PRH1: variants seen among roughly 807,000 people sequenced by gnomAD.
The protein encoded by PRH1 is proline rich protein HaeIII subfamily 1.
PRH1 carries 7 observed loss-of-function variants against 7.9 expected under a neutral mutation model. That is an observed-to-expected ratio of 0.89 (90% CI 0.50 to 1.67). The LOEUF (loss-of-function observed/expected upper bound fraction) is 1.67, where lower values mean the gene tolerates loss of function less well. Among genes scored for constraint, PRH1 ranks in the 40% most tolerant of loss-of-function variants. The pLI is 0.00. For synonymous variants in PRH1, 45 were observed against 80.8 expected (o/e 0.56, Z 2.38); for missense variants, 109 against 223.6 (o/e 0.49, Z 3.27).
intron 2 of PRH1, among the ~76,000 whole-genome samples, chr12:10,941,299 G>A (rs529397606): frequency 6.6e-6 from 1 of 152,286 alleles, no homozygotes; most frequent in South Asian, 2.1e-4. Flanking sequence ...GTTTTCATTG[G>A]AACAACAGCT....
In PRH1 at chr12:10,959,250, T is replaced by C. The variant is rs141183741; in HGVS notation, c.-59+14405A>G. The stretch of plus-strand genomic sequence containing the variant: ...CTGTAGAAGAAACAAATCTGACAAT[T>C]GGGGGAAGAGCAGTATTTTGATTTG... On this transcript the variant is annotated intron_variant, in intron 2 of 3. Coordinates refer to the PRH1 transcript ENST00000539853. Among the ~76,000 whole-genome samples the C allele has an allele frequency of 1.4e-4, 22 of 152,162 alleles. No homozygotes were observed. The East Asian group carries it at 3.7e-3, about 25-fold the overall frequency.
intron 1 of PRH1, among the ~76,000 whole-genome samples, chr12:11,089,334 C>G (rs1459648729): frequency 8.6e-6 from 1 of 116,116 alleles, no homozygotes; most frequent in Non-Finnish European, 2.0e-5. Context: ...AAATAGAAGA[C>G]TAATGACAGC....
intron 1 of PRH1, among the ~76,000 whole-genome samples, chr12:11,010,259 G>A (rs1166018291): frequency 6.6e-6 from 1 of 151,868 alleles, no homozygotes; most frequent in Non-Finnish European, 1.5e-5. Flanking sequence ...TCAAAATCAT[G>A]TACAATGAAA....
Position 10,964,792 on chromosome 12 carries a change from G to A in PRH1, c.-59+8863C>T, listed in dbSNP as rs1591737605. The A allele has an allele frequency of 5.1e-6, 3 of 593,336 alleles. No individual in the cohort carries two copies. In the East Asian group the frequency reaches 1.2e-4, roughly 24 times the overall value. 36.8% of individuals were successfully genotyped at this position (593,336 alleles called of 1,614,324 possible). A position where few individuals can be genotyped will look rare whatever the true frequency, so the allele number is the denominator to read the frequency against. On this transcript the variant is annotated intron_variant, in intron 2 of 3. Transcript: ENST00000539853. ...GAAAAGATAACAGGGACAGAGTAAA[G>A]GGTATTAAGTTTGCAAGCGTGGTTA...
At position 11,134,216 on chromosome 12, in the gene PRH1, G is replaced by A. The variant is rs781094611; in HGVS notation, n.40-13036C>T. The A allele has an allele frequency of 5.4e-4, 876 of 1,611,958 alleles. 1 individual carries two copies. The highest frequency in any genetic ancestry group is 1.4e-3 in the Admixed American group (86 of 59,552). ...AACAAATATAACCACTATTAGAATG[G>A]AAAAAATGATGGGCAGAAAAGTTAT... On this transcript the variant is annotated intron_variant and non_coding_transcript_variant, in intron 1 of 1. Transcript: ENST00000541175.
chr12:10,983,662 C>T (rs965386774), intron 1 of PRH1, among the ~76,000 whole-genome samples: 3 of 152,344 alleles, frequency 2.0e-5, no homozygotes, highest in South Asian at 4.1e-4. Context: ...TTTCTCTTCT[C>T]TTTCTCTTCC....
intron 2 of PRH1, among the ~76,000 whole-genome samples, chr12:10,910,205 C>G (rs940985276): frequency 1.3e-5 from 2 of 152,110 alleles, no homozygotes; most frequent in South Asian, 2.1e-4. Context: ...GTACCAAACT[C>G]TATATACAAT....
downstream of PRH1, among the ~76,000 whole-genome samples, chr12:11,116,612 A>G (rs1448569005): frequency 6.6e-6 from 1 of 152,096 alleles, no homozygotes; most frequent in African/African-American, 2.4e-5. Context: ...CCAGACAAAG[A>G]CACATCTAAA....
chr12:11,080,710 T>G (rs1482518014), intron 1 of PRH1, among the ~76,000 whole-genome samples: 1 of 125,144 alleles, frequency 8.0e-6, no homozygotes, highest in Non-Finnish European at 1.9e-5. Flanking sequence ...GTCATTAATT[T>G]TTATTGCTCC....
intron 2 of PRH1, chr12:10,965,134 T>C: frequency 7.0e-7 from 1 of 1,420,190 alleles, no homozygotes; most frequent in Non-Finnish European, 9.6e-7. Context: ...TATATGAACC[T>C]GGATTCAAAA....
chr12:11,156,786 A>G (rs1199363301), intron 1 of PRH1, among the ~76,000 whole-genome samples: 2 of 152,196 alleles, frequency 1.3e-5, no homozygotes, highest in East Asian at 3.9e-4. Flanking sequence ...AGTAAACTTG[A>G]CAAGAAAATA....
chr12:10,963,569 A>G (rs572338721), intron 2 of PRH1, among the ~76,000 whole-genome samples: 147 of 152,304 alleles, frequency 9.7e-4, no homozygotes, highest in African/African-American at 3.3e-3. Flanking sequence ...AAACGGAAAT[A>G]TTTGGTATCC....
chr12:11,010,584 G>A (rs904976963), intron 1 of PRH1, among the ~76,000 whole-genome samples: 15 of 151,670 alleles, frequency 9.9e-5, no homozygotes, highest in African/African-American at 3.1e-4. Context: ...AAAATACTTC[G>A]CCTTAATCAG....
chr12:11,022,594 A>T (rs758810676), intron 1 of PRH1: 5 of 1,544,342 alleles, frequency 3.2e-6, no homozygotes, highest in Non-Finnish European at 3.5e-6. Flanking sequence ...AAAAAAATGC[A>T]GGCTTAGTAA....
At chr12:11,067,448 G>GA (rs982157110) in intron 1 of PRH1, among the ~76,000 whole-genome samples, 2 of 146,342 alleles carry the variant, frequency 1.4e-5, no homozygotes, top group Non-Finnish European at 3.0e-5. Context: ...TTGGAAATAA[G>GA]AAAAAAGGTG....
At chr12:11,054,490 GCCT>G (rs1316994948) in intron 1 of PRH1, among the ~76,000 whole-genome samples, 4 of 152,102 alleles carry the variant, frequency 2.6e-5, no homozygotes, top group African/African-American at 4.8e-5. Context: ...TATGCTTTAT[GCCT>G]CAACAAAATT....
At position 11,144,085 on chromosome 12, in the gene PRH1, C is replaced by T. The variant is rs35201548; in HGVS notation, n.40-22905G>A. ...GTTGGCCTCCTACCAGGAGGTGGTG[C>T]TTTCCAGAAAGCATCAGCTGTAGTA... is the stretch of plus-strand genomic sequence containing the variant. On this transcript the variant is annotated intron_variant and non_coding_transcript_variant, in intron 1 of 1. Transcript: ENST00000541175. 4.3e-3 allele frequency among the ~76,000 whole-genome samples: 657 copies of T among 152,212 alleles called. 5 individuals are homozygous for T. The highest frequency in any genetic ancestry group is 0.015 in the African/African-American group (634 of 41,506).
intron 1 of PRH1, chr12:10,986,728 C>T (rs1338294722): frequency 5.0e-6 from 8 of 1,612,940 alleles, no homozygotes; most frequent in Non-Finnish European, 6.8e-6. Context: ...AGAATTTGGT[C>T]AGCTGAGGAG....
intron 2 of PRH1, among the ~76,000 whole-genome samples, chr12:10,936,521 A>G (rs1950291153): frequency 6.6e-6 from 1 of 152,140 alleles, no homozygotes; most frequent in South Asian, 2.1e-4. Flanking sequence ...ACAAACATAT[A>G]TAGTACCCCC....
Sources: allele counts gnomAD v4.1 joint callset (sites outside exome capture counted in the v4.1 genomes callset), GRCh38; gene constraint gnomAD v4.1.1; transcripts MANE v1.5; gene names NCBI Gene and HGNC (gene_info 2026-07-23, HGNC 2026-07-21).